Variants in DYM observed in about 807,000 individuals in gnomAD.
DYM encodes dyggve-Melchior-Clausen syndrome protein.
DYM carries 78 observed loss-of-function variants against 93.1 expected under a neutral mutation model. The ratio of observed to expected loss-of-function variants is 0.84; its 90% CI spans 0.70 to 1.01. The LOEUF is 1.01. Among genes scored for constraint, DYM ranks in the 50% least tolerant of loss-of-function variants. The pLI is 0.00. For missense variants in DYM, 789 were observed against 845.0 expected, an observed-to-expected ratio of 0.93 and a Z score of 0.82; for synonymous variants, 321 against 319.7, an observed-to-expected ratio of 1.00 and a Z score of -0.04.
chr18:49,200,172 A>G (rs1050314356), intron 14 of DYM, among the ~76,000 whole-genome samples: 1 of 152,094 alleles, frequency 6.6e-6, no homozygotes, highest in South Asian at 2.1e-4. Context: ...ATCCAAAGAC[A>G]TACATGTAAC....
chr18:49,339,936 GT>G (rs1011524718), intron 6 of DYM, among the ~76,000 whole-genome samples: 3 of 151,352 alleles, frequency 2.0e-5, no homozygotes, highest in South Asian at 4.2e-4. Context: ...TTTTTTTGGG[GT>G]TTTTTGTTTG....
intron 17 of DYM, among the ~76,000 whole-genome samples, chr18:49,067,705 G>A (rs1439207454): frequency 5.9e-5 from 9 of 152,108 alleles, no homozygotes; most frequent in Admixed American, 5.9e-4. Context: ...CTCTCAAATG[G>A]CCAGTTAAAG....
chr18:49,094,896 C>T (rs2079405665), intron 17 of DYM, among the ~76,000 whole-genome samples: 1 of 152,172 alleles, frequency 6.6e-6, no homozygotes, highest in Non-Finnish European at 1.5e-5. Flanking sequence ...GCGCTGTGAT[C>T]CTCTTAACAA....
chr18:49,361,111 C>G (rs1179041937), intron 6 of DYM, among the ~76,000 whole-genome samples: 5 of 152,230 alleles, frequency 3.3e-5, no homozygotes, highest in Non-Finnish European at 4.4e-5. Context: ...CAGCACCACT[C>G]TAAACAATAC....
chr18:49,310,358 A>C (rs1213813400), intron 8 of DYM, among the ~76,000 whole-genome samples: 1 of 152,206 alleles, frequency 6.6e-6, no homozygotes, highest in Non-Finnish European at 1.5e-5. Context: ...GGAAAGGGTA[A>C]ACTTGAAAAT....
At chr18:49,214,427 CA>C (rs2092934296) in intron 13 of DYM, among the ~76,000 whole-genome samples, 1 of 152,110 alleles carries the variant, frequency 6.6e-6, no homozygotes, top group African/African-American at 2.4e-5. Flanking sequence ...GGTTTCATCC[CA>C]AAACCATCCC....
At chr18:49,418,502 G>GA (rs1281450453) in intron 2 of DYM, among the ~76,000 whole-genome samples, 1 of 152,090 alleles carries the variant, frequency 6.6e-6, no homozygotes, top group Non-Finnish European at 1.5e-5. Flanking sequence ...ACCACACCTG[G>GA]AAACTCTTAC....
At chr18:49,244,495 T>G (rs1414572446) in intron 13 of DYM, among the ~76,000 whole-genome samples, 1 of 152,242 alleles carries the variant, frequency 6.6e-6, no homozygotes, top group African/African-American at 2.4e-5. Context: ...AAAACTTCAC[T>G]TATAAGAAGC....
At position 49,388,692 on chromosome 18, in the gene DYM, TAAAAAG is replaced by T. The variant is rs1240475112; in HGVS notation, c.193+2895_193+2900del. Reference sequence around the variant, plus strand: ...TCTAAGGCTACTGAAAATCAAAAGATAAAAAGAAAAACTTAAAAGCAGCCGAAGTTA... The same window carrying T: ...TCTAAGGCTACTGAAAATCAAAAGATAAAAACTTAAAAGCAGCCGAAGTTA... On this transcript the variant is annotated intron_variant, in intron 3 of 17. Coordinates refer to ENST00000675505, the MANE Select transcript of DYM (RefSeq NM_001353214.3). Among the ~76,000 whole-genome samples, 10 of 150,998 alleles carry T rather than the reference TAAAAAG, an allele frequency of 6.6e-5. No homozygotes were observed. In the East Asian group the frequency reaches 1.9e-3, roughly 29 times the overall value.
chr18:49,255,529 C>G (rs1033153081), intron 13 of DYM, among the ~76,000 whole-genome samples: 3 of 151,772 alleles, frequency 2.0e-5, no homozygotes, highest in African/African-American at 7.3e-5. Flanking sequence ...AAAAATTAGC[C>G]AGGCGTGGTG....
intron 3 of DYM, among the ~76,000 whole-genome samples, chr18:49,384,678 T>G (rs944968111): frequency 1.4e-4 from 21 of 147,530 alleles, no homozygotes; most frequent in Non-Finnish European, 2.7e-4. Context: ...TACAAACGAC[T>G]AGAAATGATT....
intron 15 of DYM, among the ~76,000 whole-genome samples, chr18:49,153,891 C>A (rs2086095903): frequency 6.6e-6 from 1 of 152,068 alleles, no homozygotes; most frequent in Non-Finnish European, 1.5e-5. Flanking sequence ...AGTATCTCCC[C>A]AAAATATATA....
intron 8 of DYM, chr18:49,329,572 C>A (rs1048146678): frequency 7.2e-5 from 11 of 152,178 alleles, no homozygotes; most frequent in African/African-American, 2.7e-4. Context: ...GAAGGCCTTG[C>A]CTGACTCATA....
intron 8 of DYM, among the ~76,000 whole-genome samples, chr18:49,323,092 T>C (rs2062619648): frequency 6.6e-6 from 1 of 152,176 alleles, no homozygotes; most frequent in South Asian, 2.1e-4. Context: ...GCCCTCAAAA[T>C]TAGAAAAGAG....
At chr18:49,266,896 ACAG>A (rs2094578765) in intron 11 of DYM, among the ~76,000 whole-genome samples, 1 of 152,180 alleles carries the variant, frequency 6.6e-6, no homozygotes, top group Non-Finnish European at 1.5e-5. Flanking sequence ...TATTTTGCTT[ACAG>A]TGGAAAAGCA....
At chr18:49,343,092 G>C (rs1384840639) in intron 6 of DYM, among the ~76,000 whole-genome samples, 5 of 152,176 alleles carry the variant, frequency 3.3e-5, no homozygotes, top group Non-Finnish European at 7.3e-5. Flanking sequence ...AATTTTTGTT[G>C]TCTGAGGATA....
chr18:49,179,076 T>C (rs371400239), intron 14 of DYM, among the ~76,000 whole-genome samples: 4 of 152,208 alleles, frequency 2.6e-5, no homozygotes, highest in African/African-American at 9.6e-5. Context: ...TGAGTGTTGA[T>C]GAAAAACAAG....
chr18:49,206,827 T>TA (rs2092539518), intron 14 of DYM, among the ~76,000 whole-genome samples: 1 of 152,108 alleles, frequency 6.6e-6, no homozygotes. Flanking sequence ...CTTCATACTG[T>TA]AAACCCCAGC....
rs144909288 is a variant in DYM at position 49,208,403 on chromosome 18, T to C, written c.1625+1148A>G. 41 of 152,240 alleles carry C rather than the reference T, an allele frequency of 2.7e-4. No individual in the cohort carries two copies. The East Asian group carries it at 7.7e-3, about 29-fold the overall frequency. The allele number at this position is 152,240 out of a possible 1,614,324, so 9.4% of individuals were successfully genotyped here. On this transcript the variant is annotated intron_variant, in intron 14 of 17. Transcript: ENST00000675505. ...GTCTGCTAAATTTGATAAATTCTTC[T>C]AACATTACATACGTAACAGTTAATT...
Sources: gnomAD v4.1 joint callset for allele counts (sites outside exome capture counted in the v4.1 genomes callset) on GRCh38, gnomAD v4.1.1 for gene constraint, MANE v1.5 for transcripts, NCBI Gene and HGNC (gene_info 2026-07-23, HGNC 2026-07-21) for gene names.